Variants in SLC16A7 observed in about 807,000 individuals in gnomAD.
The protein encoded by SLC16A7 is solute carrier family 16 member 7, also known as monocarboxylate transporter 2.
SLC16A7 carries 33 observed loss-of-function variants against 34.9 expected under a neutral mutation model. The observed-to-expected ratio is 0.94, with a 90% CI of 0.72 to 1.26. The LOEUF is 1.26. Ranked by LOEUF, SLC16A7 falls within the 50% of genes most tolerant of loss-of-function variation. SLC16A7 has a pLI of 0.00. For synonymous variants in SLC16A7, 201 were observed against 206.6 expected (o/e 0.97, Z 0.23); for missense variants, 573 against 578.1 (o/e 0.99, Z 0.09).
chr12:59,705,824 A>G (rs1873499811), intron 3 of SLC16A7, among the ~76,000 whole-genome samples: 1 of 152,136 alleles, frequency 6.6e-6, no homozygotes, highest in East Asian at 1.9e-4. Context: ...GGATAGATAT[A>G]GACTCAGACT....
Position 59,704,824 on chromosome 12 carries a change from C to T in SLC16A7, c.23C>T (p.Pro8Leu). 6.2e-7 allele frequency: 1 copy of T among 1,613,556 alleles called. No individual in the cohort carries two copies. Among genetic ancestry groups the T allele is most frequent in the East Asian group, 2.2e-5 (1 of 44,824 alleles). Residue 8 changes from proline to leucine, a missense_variant, in exon 3 of 6, where the codon CCA becomes CTA. Pro to Leu is a moderately conservative substitution (Grantham distance 98, BLOSUM62 -3). Transcript: ENST00000547379. MPPMPSA[P>L]PVHPPPDGGW... ...GAAATGCCACCAATGCCAAGTGCCC[C>T]ACCTGTGCATCCACCTCCAGATGGA...
intron 1 of SLC16A7, among the ~76,000 whole-genome samples, chr12:59,645,314 G>T (rs1166772219): frequency 1.3e-5 from 2 of 152,158 alleles, no homozygotes; most frequent in Non-Finnish European, 2.9e-5. Context: ...CATTTGATAT[G>T]GTTGGGCTGT....
chr12:59,711,452 T>C (rs1874217633), intron 3 of SLC16A7, among the ~76,000 whole-genome samples: 1 of 152,198 alleles, frequency 6.6e-6, no homozygotes, highest in South Asian at 2.1e-4. Flanking sequence ...TTGGAAACTA[T>C]TGCCTAATGA....
intron 5 of SLC16A7, among the ~76,000 whole-genome samples, chr12:59,776,056 A>T (rs1882730154): frequency 6.6e-6 from 1 of 152,164 alleles, no homozygotes; most frequent in Non-Finnish European, 1.5e-5. Context: ...TTCCATGTTT[A>T]TAAATTGGAA....
rs898851916 is a variant in SLC16A7 at position 59,789,732 on chromosome 12, A to G, written c.*10053A>G. 1.3e-5 allele frequency: 2 copies of G among 152,130 alleles called. No homozygotes were observed. The highest frequency in any genetic ancestry group is 4.8e-5 in the African/African-American group (2 of 41,444). The allele number at this position is 152,130 out of a possible 1,614,324, so 9.4% of individuals were successfully genotyped here. A position where few individuals can be genotyped will look rare whatever the true frequency, so the allele number is the denominator to read the frequency against. ...CTTACTTATCACTAATTTTTACTGCAGGTCTGTGCTGTTTCTTAGAAAGTA... is the reference window on the plus strand; with the variant it reads ...CTTACTTATCACTAATTTTTACTGCGGGTCTGTGCTGTTTCTTAGAAAGTA... On this transcript the variant is annotated 3_prime_UTR_variant, in exon 6 of 6. Coordinates refer to ENST00000547379, the MANE Select transcript of SLC16A7 (RefSeq NM_001270623.2).
chr12:59,733,540 G>A (rs1877211113), intron 3 of SLC16A7, among the ~76,000 whole-genome samples: 1 of 152,270 alleles, frequency 6.6e-6, no homozygotes, highest in African/African-American at 2.4e-5. Flanking sequence ...CTGGAAGCTT[G>A]GCAATGCCAG....
intron 3 of SLC16A7, among the ~76,000 whole-genome samples, chr12:59,727,750 A>G (rs1876460743): frequency 6.6e-6 from 1 of 152,170 alleles, no homozygotes; most frequent in East Asian, 1.9e-4. Flanking sequence ...GAGCAAGTGA[A>G]ATGAACTGAC....
At chr12:59,699,322 A>G (rs1177238944) in intron 2 of SLC16A7, among the ~76,000 whole-genome samples, 1 of 151,722 alleles carries the variant, frequency 6.6e-6, no homozygotes, top group Non-Finnish European at 1.5e-5. Context: ...TGATATTTAA[A>G]GAACAGAATG....
chr12:59,675,838 ACAT>A (rs1252924788), intron 2 of SLC16A7, among the ~76,000 whole-genome samples: 1 of 152,284 alleles, frequency 6.6e-6, no homozygotes, highest in East Asian at 1.9e-4. Context: ...TCCACTTTCC[ACAT>A]CATGCACTTA....
At chr12:59,653,933 C>T (rs1868404516) in intron 1 of SLC16A7, among the ~76,000 whole-genome samples, 1 of 151,490 alleles carries the variant, frequency 6.6e-6, no homozygotes, top group Non-Finnish European at 1.5e-5. Flanking sequence ...TCTAATTTTT[C>T]TTGATTACAT....
At chr12:59,686,167 G>T (rs1333207675) in intron 2 of SLC16A7, among the ~76,000 whole-genome samples, 4 of 140,492 alleles carry the variant, frequency 2.8e-5, no homozygotes, top group Non-Finnish European at 6.1e-5. Context: ...GCTTGGAAAA[G>T]TTGTTGAAAC....
intron 2 of SLC16A7, among the ~76,000 whole-genome samples, chr12:59,661,327 C>T (rs1447961585): frequency 6.6e-6 from 1 of 152,046 alleles, no homozygotes; most frequent in African/African-American, 2.4e-5. Flanking sequence ...ACTTCTTCTG[C>T]AAGTGGAATT....
At chr12:59,673,588 A>C (rs898522338) in intron 2 of SLC16A7, among the ~76,000 whole-genome samples, 1 of 152,004 alleles carries the variant, frequency 6.6e-6, no homozygotes, top group African/African-American at 2.4e-5. Flanking sequence ...TGTGCAGCCT[A>C]ACATCATAGG....
chr12:59,634,551 G>C (rs1469686766), intron 1 of SLC16A7, among the ~76,000 whole-genome samples: 1 of 151,924 alleles, frequency 6.6e-6, no homozygotes, highest in African/African-American at 2.4e-5. Context: ...ACCTTAACGA[G>C]ATTCTTACTG....
Position 59,775,450 on chromosome 12 carries a change from A to G in SLC16A7, c.1155A>G (p.Pro385=). 1.2e-6 allele frequency: 2 copies of G among 1,613,738 alleles called. No homozygotes were observed. The highest frequency in any genetic ancestry group is 1.7e-6 in the Non-Finnish European group (2 of 1,179,700). Reference sequence around the variant, plus strand: ...TTGTCACAATTGTGGAGTGTGGCCCAGTTCTTCTTGGCCCTCCTCTTGCAG... The same window carrying G: ...TTGTCACAATTGTGGAGTGTGGCCCGGTTCTTCTTGGCCCTCCTCTTGCAG... The part of the protein sequence containing the change: ...VGLVTIVECG[P]VLLGPPLAGK... The change falls in exon 5 of 6, where the codon CCA becomes CCG. Residue 385 remains proline (P), a synonymous_variant. Coordinates refer to ENST00000547379, the MANE Select transcript of SLC16A7 (RefSeq NM_001270623.2).
At chr12:59,696,002 A>G (rs1017730953) in intron 2 of SLC16A7, among the ~76,000 whole-genome samples, 1 of 151,768 alleles carries the variant, frequency 6.6e-6, no homozygotes, top group Non-Finnish European at 1.5e-5. Flanking sequence ...TTATATTTTA[A>G]TTTTTTATTT....
intron 1 of SLC16A7, among the ~76,000 whole-genome samples, chr12:59,602,598 C>T (rs1166900567): frequency 2.6e-5 from 4 of 151,258 alleles, no homozygotes; most frequent in Non-Finnish European, 5.9e-5. Context: ...ATTCTCCTGC[C>T]CCAGCCTCCT....
At chr12:59,739,685 C>T (rs1419692920) in intron 3 of SLC16A7, among the ~76,000 whole-genome samples, 8 of 151,956 alleles carry the variant, frequency 5.3e-5, no homozygotes, top group African/African-American at 1.9e-4. Flanking sequence ...TTCTATTTCT[C>T]CACATCCTCT....
chr12:59,701,679 T>C (rs1872900910), intron 2 of SLC16A7, among the ~76,000 whole-genome samples: 1 of 151,796 alleles, frequency 6.6e-6, no homozygotes. Flanking sequence ...CACACACCTC[T>C]TTACTTTCCT....
Sources: allele counts gnomAD v4.1 joint callset (sites outside exome capture counted in the v4.1 genomes callset), GRCh38; gene constraint gnomAD v4.1.1; transcripts MANE v1.5; gene names NCBI Gene and HGNC (gene_info 2026-07-23, HGNC 2026-07-21).